The following MYO9A variants were observed in gnomAD, a reference collection of about 807,000 sequenced individuals.
The protein encoded by MYO9A is myosin IXA.
A neutral mutation model predicts 293.3 loss-of-function variants in MYO9A; 103 were observed. The observed-to-expected ratio is 0.35, with a 90% CI of 0.30 to 0.41. The LOEUF is 0.41. MYO9A is among the 10% of genes least tolerant of loss of function. The probability of loss-of-function intolerance (pLI) is 1.00; values close to 1 mark genes in which losing one functional copy is unlikely to be tolerated. For missense variants in MYO9A, 2,685 were observed against 3,033.0 expected, an observed-to-expected ratio of 0.89 and a Z score of 2.69; for synonymous variants, 1,001 against 1,035.7, an observed-to-expected ratio of 0.97 and a Z score of 0.64.
At chr15:71,994,448 T>C in intron 10 of MYO9A, 21 bp downstream of exon 10, 1 of 1,432,282 alleles carries the variant, frequency 7.0e-7, no homozygotes, top group South Asian at 1.3e-5. Context: ...AAAAACATAT[T>C]ATAATCCAAT....
chr15:71,904,046 C>A lies in MYO9A; in HGVS notation c.2767-7G>T, dbSNP rs761002564. On this transcript the variant is annotated splice_polypyrimidine_tract_variant and splice_region_variant and intron_variant, in intron 20 of 41. Coordinates refer to ENST00000356056, the MANE Select transcript of MYO9A (RefSeq NM_006901.4). Reference sequence around the variant, plus strand: ...CACTGAACCTTAAGGGCAGCTAAAGCAAATGGAAAAAAGATTAACCCAGAA... The same window carrying A: ...CACTGAACCTTAAGGGCAGCTAAAGAAAATGGAAAAAAGATTAACCCAGAA... 6.2e-7 allele frequency: 1 copy of A among 1,605,572 alleles called. No individual in the cohort carries two copies. Among genetic ancestry groups the A allele is most frequent in the Non-Finnish European group, 8.5e-7 (1 of 1,173,962 alleles).
chr15:71,930,047 A>T (rs2058432047), intron 18 of MYO9A, among the ~76,000 whole-genome samples: 1 of 152,172 alleles, frequency 6.6e-6, no homozygotes, highest in Non-Finnish European at 1.5e-5. Context: ...GTGTTGCATC[A>T]TGAAACTATC....
At position 71,933,611 on chromosome 15, in the gene MYO9A, T is replaced by C. The variant is rs1321493421; in HGVS notation, c.2562+59A>G. 11 of 1,412,876 alleles carry C rather than the reference T, an allele frequency of 7.8e-6. No individual in the cohort carries two copies. The African/African-American group carries it at 1.4e-4, about 18-fold the overall frequency. The allele number at this position is 1,412,876 out of a possible 1,614,324, so 87.5% of individuals were successfully genotyped here. A position where few individuals can be genotyped will look rare whatever the true frequency, so the allele number is the denominator to read the frequency against. ...TTTTGATGTATGAAGATTGTATGAG[T>C]AATAAAAAATAATTGTGTAGCAGAA... is the stretch of plus-strand genomic sequence containing the variant. On this transcript the variant is annotated intron_variant, in intron 18 of 41. Coordinates refer to ENST00000356056, the MANE Select transcript of MYO9A (RefSeq NM_006901.4).
In MYO9A at chr15:71,897,718, G is replaced by C. The variant is rs756270510; in HGVS notation, c.4785C>G (p.Pro1595=). The C allele has an allele frequency of 1.9e-6, 3 of 1,613,988 alleles. No homozygotes were observed. The highest frequency in any genetic ancestry group is 2.2e-5 in the South Asian group (2 of 91,068). ...ACACGGTGACAGGTCGGTCCTTTGG[G>C]GGTAAGTGAGCAGAGGAACTGTCTT... The part of the protein sequence containing the change: ...AQKDSSSAHL[P]PKDRPVTVFF... The change falls in exon 25 of 42, where the codon CCC becomes CCG. Residue 1595 remains proline (P), a synonymous_variant. Transcript: ENST00000356056.
chr15:71,836,793 G>GCAAA (rs1380143035), intron 39 of MYO9A, among the ~76,000 whole-genome samples: 1 of 151,988 alleles, frequency 6.6e-6, no homozygotes, highest in Non-Finnish European at 1.5e-5. Flanking sequence ...TATTTTGGTA[G>GCAAA]CAAACAAAAA....
At chr15:72,051,372 G>A (rs777729901) in intron 1 of MYO9A, among the ~76,000 whole-genome samples, 2 of 152,058 alleles carry the variant, frequency 1.3e-5, no homozygotes, top group Non-Finnish European at 2.9e-5. Flanking sequence ...CAGGAGTTTC[G>A]TGCTCCCTAG....
At position 71,898,044 on chromosome 15, in the gene MYO9A, G is replaced by A. The variant is rs1274791037; in HGVS notation, c.4459C>T (p.Leu1487Phe). Residue 1487 changes from leucine to phenylalanine, a missense_variant, in exon 25 of 42, where the codon CTT (leucine) becomes TTT (phenylalanine). Physicochemically the swap from Leu to Phe is conservative, Grantham distance 22. Transcript: ENST00000356056. ...SLNTESSNPV[L>F]KKLEKLNTEK... is the part of the protein sequence containing the mutation. Reference sequence around the variant, plus strand: ...GTGTTTAGCTTTTCTAACTTCTTAAGCACAGGATTAGAAGACTCTGTATTC... The same window carrying A: ...GTGTTTAGCTTTTCTAACTTCTTAAACACAGGATTAGAAGACTCTGTATTC... 1 of 1,614,018 alleles carries A rather than the reference G, an allele frequency of 6.2e-7. No homozygotes were observed. Among genetic ancestry groups the A allele is most frequent in the Non-Finnish European group, 8.5e-7 (1 of 1,180,014 alleles).
rs573434926 is a variant in MYO9A, at chr15:72,050,484, G to GCAGC, written c.-71-3854_-71-3851dup. On this transcript the variant is annotated intron_variant, in intron 1 of 41. Transcript: ENST00000356056. ...TAGCCAGGCATGGTGGTGGGCACCT[G>GCAGC]CAGCCCCAGCTACTCCGGAGGCTGA... Among the ~76,000 whole-genome samples the GCAGC allele has an allele frequency of 4.5e-3, 687 of 152,184 alleles. 4 individuals are homozygous for GCAGC. Among genetic ancestry groups the GCAGC allele is most frequent in the African/African-American group, 0.015 (643 of 41,522 alleles).
At position 71,897,514 on chromosome 15, in the gene MYO9A, C is replaced by G; in HGVS notation, c.4989G>C (p.Glu1663Asp). 2 of 1,613,986 alleles carry G rather than the reference C, an allele frequency of 1.2e-6. No individual in the cohort carries two copies. Among genetic ancestry groups the G allele is most frequent in the Non-Finnish European group, 1.7e-6 (2 of 1,179,942 alleles). Residue 1663 changes from glutamate to aspartate, a missense_variant, in exon 25 of 42, where the codon GAG (glutamate) becomes GAC (aspartate). This residue lies in a region of MYO9A where 1,434 missense variants were observed against 1,497.7 expected (regional missense o/e 0.96). Coordinates refer to ENST00000356056, the MANE Select transcript of MYO9A (RefSeq NM_006901.4). ...YSHNSDDLSR[E>D]GNARPIFFTP... ...TGAAGAAAATGGGCCTAGCATTTCC[C>G]TCTCTGGAAAGGTCATCAGAATTGT...
At chr15:71,938,245 G>GA (rs2058687582) in intron 16 of MYO9A, among the ~76,000 whole-genome samples, 1 of 151,968 alleles carries the variant, frequency 6.6e-6, no homozygotes, top group South Asian at 2.1e-4. Context: ...ACAGTATTAG[G>GA]AAGCTCAATT....
At chr15:71,849,927 AAAAACAC>A in intron 38 of MYO9A, 102 bp downstream of exon 38, 1 of 1,403,160 alleles carries the variant, frequency 7.1e-7, no homozygotes, top group Non-Finnish European at 9.9e-7. Context: ...CAATCTTCTT[AAAAACAC>A]CTGAATTTAT....
At chr15:71,946,507 T>G (rs1225809526) in intron 15 of MYO9A, among the ~76,000 whole-genome samples, 2 of 152,344 alleles carry the variant, frequency 1.3e-5, no homozygotes, top group South Asian at 2.1e-4. Context: ...TTGATTTCTG[T>G]AGCATATATA....
chr15:71,833,597 CAT>C (rs1448050027), intron 39 of MYO9A, among the ~76,000 whole-genome samples: 1 of 152,080 alleles, frequency 6.6e-6, no homozygotes, highest in Non-Finnish European at 1.5e-5. Context: ...ATCTAACAGA[CAT>C]ATACAGACTT....
intron 1 of MYO9A, among the ~76,000 whole-genome samples, chr15:72,086,509 C>A (rs973075591): frequency 6.6e-6 from 1 of 152,082 alleles, no homozygotes; most frequent in Non-Finnish European, 1.5e-5. Context: ...TACAGTACAA[C>A]CAGGGGAAGG....
chr15:71,902,622 C>T (rs970089403), intron 22 of MYO9A, among the ~76,000 whole-genome samples: 1 of 152,036 alleles, frequency 6.6e-6, no homozygotes, highest in African/African-American at 2.4e-5. Flanking sequence ...AAAAGGGTGA[C>T]AGAGAAAGAA....
intron 6 of MYO9A, among the ~76,000 whole-genome samples, chr15:72,017,175 T>C (rs2077369789): frequency 1.3e-5 from 2 of 151,928 alleles, no homozygotes; most frequent in Non-Finnish European, 1.5e-5. Context: ...CGTGTATCAC[T>C]ATACCTGGCT....
intron 1 of MYO9A, among the ~76,000 whole-genome samples, chr15:72,063,132 G>C (rs1484252957): frequency 3.3e-5 from 5 of 152,194 alleles, no homozygotes; most frequent in Non-Finnish European, 1.5e-5. Flanking sequence ...AAGGTGCTAA[G>C]AACACACACT....
intron 15 of MYO9A, among the ~76,000 whole-genome samples, chr15:71,948,217 T>C (rs1026576383): frequency 6.6e-6 from 1 of 152,250 alleles, no homozygotes; most frequent in Non-Finnish European, 1.5e-5. Context: ...TCAGATTTTT[T>C]ACTTTAAACA....
chr15:71,906,758 C>CTTTCTTTCTTTTTTTTTTTTTT (rs765264146), intron 19 of MYO9A, among the ~76,000 whole-genome samples: 3 of 61,008 alleles, frequency 4.9e-5, no homozygotes, highest in African/African-American at 1.9e-4. Flanking sequence ...CCATTTCTTT[C>CTTTCTTTCTTTTTTTTTTTTTT]TTTTTTTTTT....
Sources: gnomAD v4.1 joint callset for allele counts (sites outside exome capture counted in the v4.1 genomes callset) on GRCh38, gnomAD v4.1.1 for gene constraint, gnomAD v4.1.1 regional missense constraint, MANE v1.5 for transcripts, NCBI Gene and HGNC (gene_info 2026-07-23, HGNC 2026-07-21) for gene names.